GABRB2: variants seen among roughly 807,000 people sequenced by gnomAD.
The protein encoded by GABRB2 is gamma-aminobutyric acid type A receptor subunit beta2.
Under a neutral mutation model 54.7 loss-of-function variants are expected in GABRB2, and 16 were observed. That is an observed-to-expected ratio of 0.29 (90% CI 0.20 to 0.44). The LOEUF is 0.44. GABRB2 is among the 20% of genes least tolerant of loss of function. GABRB2 has a pLI of 1.00. For synonymous variants in GABRB2, 244 were observed against 233.8 expected (o/e 1.04, Z -0.40); for missense variants, 355 against 644.0 (o/e 0.55, Z 4.86).
chr5:161,308,461 A>G (rs893713104), intron 9 of GABRB2, among the ~76,000 whole-genome samples: 2 of 152,244 alleles, frequency 1.3e-5, no homozygotes, highest in Admixed American at 1.3e-4. Context: ...TACTATGCAT[A>G]TTAAACTATC....
At chr5:161,319,807 TTG>T (rs1350113211) in intron 9 of GABRB2, among the ~76,000 whole-genome samples, 1 of 151,842 alleles carries the variant, frequency 6.6e-6, no homozygotes, top group Non-Finnish European at 1.5e-5. Context: ...GATGCTCTTT[TTG>T]AGTGGGAGTT....
intron 3 of GABRB2, among the ~76,000 whole-genome samples, chr5:161,471,410 C>T (rs1264557379): frequency 2.6e-5 from 4 of 151,944 alleles, no homozygotes; most frequent in African/African-American, 7.2e-5. Flanking sequence ...GAAGGCATCA[C>T]GCCAGATGTT....
chr5:161,532,050 C>G (rs548822925), intron 3 of GABRB2, among the ~76,000 whole-genome samples: 19 of 152,150 alleles, frequency 1.2e-4, no homozygotes, highest in African/African-American at 4.3e-4. Flanking sequence ...CATCTTCACG[C>G]AGGGTACTTA....
At chr5:161,465,356 A>T (rs922248021) in intron 3 of GABRB2, among the ~76,000 whole-genome samples, 1 of 152,156 alleles carries the variant, frequency 6.6e-6, no homozygotes, top group Non-Finnish European at 1.5e-5. Context: ...CATAATGGTT[A>T]TAGGCTCTCT....
rs147157337 is a variant in GABRB2, at chr5:161,383,112, C to A, written c.541+27863G>T. On this transcript the variant is annotated intron_variant, in intron 5 of 9. Transcript: ENST00000393959. ...GATTGCATATATTCAAGCTGTACAA[C>A]ATAATGAGTTGATATAGGAATACAA... Among the ~76,000 whole-genome samples, 225 of 152,298 alleles carry A rather than the reference C, an allele frequency of 1.5e-3. 2 individuals carry two copies. The highest frequency in any genetic ancestry group is 4.6e-3 in the African/African-American group (191 of 41,564).
At chr5:161,460,532 C>T (rs931512642) in intron 3 of GABRB2, among the ~76,000 whole-genome samples, 2 of 152,180 alleles carry the variant, frequency 1.3e-5, no homozygotes, top group East Asian at 1.9e-4. Flanking sequence ...GTGGAGTACA[C>T]GGGACTCTTT....
intron 3 of GABRB2, among the ~76,000 whole-genome samples, chr5:161,485,908 T>C (rs1183328015): frequency 6.6e-6 from 1 of 151,900 alleles, no homozygotes; most frequent in Non-Finnish European, 1.5e-5. Flanking sequence ...GGAAAGCACC[T>C]GCCTGGGAAT....
intron 4 of GABRB2, 168 bp downstream of exon 4, chr5:161,459,456 T>C (rs1758056229): frequency 3.2e-6 from 2 of 634,286 alleles, no homozygotes; most frequent in Admixed American, 2.8e-5. Flanking sequence ...TTAAGTTCCT[T>C]TGTAAGCATG....
chr5:161,415,799 G>A (rs1756647419), intron 4 of GABRB2, among the ~76,000 whole-genome samples: 1 of 152,068 alleles, frequency 6.6e-6, no homozygotes, highest in South Asian at 2.1e-4. Flanking sequence ...TTTTAGTAGA[G>A]ATGGGGTTTC....
intron 9 of GABRB2, among the ~76,000 whole-genome samples, chr5:161,299,301 G>A (rs1651349936): frequency 1.3e-5 from 2 of 152,228 alleles, no homozygotes; most frequent in Non-Finnish European, 1.5e-5. Context: ...GCCAATCAGA[G>A]CCATTCTGAC....
At chr5:161,396,762 TTTTA>T (rs771833729) in intron 5 of GABRB2, among the ~76,000 whole-genome samples, 92 of 152,320 alleles carry the variant, frequency 6.0e-4, no homozygotes, top group Admixed American at 1.5e-3. Context: ...ATATACTCAA[TTTTA>T]TTTGTCAATT....
intron 4 of GABRB2, among the ~76,000 whole-genome samples, chr5:161,444,141 TCTC>T (rs1338862854): frequency 6.6e-6 from 1 of 152,074 alleles, no homozygotes; most frequent in African/African-American, 2.4e-5. Context: ...CAGATAGTAT[TCTC>T]CTTTCATTCC....
chr5:161,442,358 C>T (rs891152839), intron 4 of GABRB2, among the ~76,000 whole-genome samples: 6 of 152,106 alleles, frequency 3.9e-5, no homozygotes, highest in African/African-American at 2.4e-5. Context: ...AAAGTATATG[C>T]TTTTTGTCAA....
At chr5:161,298,968 T>G (rs1347459126) in intron 9 of GABRB2, among the ~76,000 whole-genome samples, 1 of 152,162 alleles carries the variant, frequency 6.6e-6, no homozygotes, top group African/African-American at 2.4e-5. Flanking sequence ...TTTATGCTTT[T>G]TCATACTGAG....
rs75408804 is a variant in GABRB2 at position 161,290,577 on chromosome 5, A to G, written c.*3504T>C. 209 of 152,696 alleles carry G rather than the reference A, an allele frequency of 1.4e-3. No homozygotes were observed. Among genetic ancestry groups the G allele is most frequent in the African/African-American group, 4.6e-3 (193 of 41,586 alleles). The allele number at this position is 152,696 out of a possible 1,614,324, so 9.5% of individuals were successfully genotyped here. On this transcript the variant is annotated 3_prime_UTR_variant, in exon 10 of 10. Coordinates refer to ENST00000393959, the MANE Select transcript of GABRB2 (RefSeq NM_001371727.1). ...TGGTTTAATGAAGGAAATAAAACATATTAGCTTATTCCTTTTGTTTTCCAA... is the reference window on the plus strand; with the variant it reads ...TGGTTTAATGAAGGAAATAAAACATGTTAGCTTATTCCTTTTGTTTTCCAA...
At chr5:161,494,681 G>A (rs1581032799) in intron 3 of GABRB2, among the ~76,000 whole-genome samples, 1 of 151,824 alleles carries the variant, frequency 6.6e-6, no homozygotes, top group Middle Eastern at 3.4e-3. Context: ...TTTCTTAAGT[G>A]AGTCCATATT....
chr5:161,424,602 T>C (rs1170144093), intron 4 of GABRB2, among the ~76,000 whole-genome samples: 1 of 152,150 alleles, frequency 6.6e-6, no homozygotes, highest in Non-Finnish European at 1.5e-5. Context: ...TTTCAAAATG[T>C]TACCCTTCAT....
chr5:161,398,251 G>T (rs1312850996), intron 5 of GABRB2, among the ~76,000 whole-genome samples: 1 of 152,138 alleles, frequency 6.6e-6, no homozygotes, highest in Non-Finnish European at 1.5e-5. Flanking sequence ...TATATCTGGA[G>T]TAAACTTTAG....
chr5:161,377,425 C>T (rs1434714339), intron 5 of GABRB2, among the ~76,000 whole-genome samples: 1 of 152,056 alleles, frequency 6.6e-6, no homozygotes, highest in Non-Finnish European at 1.5e-5. Context: ...AGAAATATAA[C>T]ACATGATGCT....
Sources: gnomAD v4.1 joint callset for allele counts (sites outside exome capture counted in the v4.1 genomes callset) on GRCh38, gnomAD v4.1.1 for gene constraint, MANE v1.5 for transcripts, NCBI Gene and HGNC (gene_info 2026-07-23, HGNC 2026-07-21) for gene names.